Variants in FSTL4 observed in about 807,000 individuals in gnomAD.
FSTL4 encodes follistatin-related protein 4.
In FSTL4, 28 loss-of-function variants were observed where a neutral mutation model predicts 78.2. The ratio of observed to expected loss-of-function variants is 0.36; its 90% CI spans 0.27 to 0.49. The LOEUF is 0.49. Among genes scored for constraint, FSTL4 ranks in the 20% least tolerant of loss-of-function variants. The pLI, the probability that FSTL4 is intolerant of heterozygous loss-of-function variation, is 0.98. For synonymous variants in FSTL4, 422 were observed against 440.5 expected, an observed-to-expected ratio of 0.96 and a Z score of 0.53; for missense variants, 922 against 1,084.9, an observed-to-expected ratio of 0.85 and a Z score of 2.11.
chr5:133,811,497 C>G, the FSTL4 span, among the ~76,000 whole-genome samples: 2 of 152,216 alleles, frequency 1.3e-5, no homozygotes, highest in South Asian at 4.1e-4. Flanking sequence ...GAGGCATCCC[C>G]AAGAAGCATG....
the FSTL4 span, among the ~76,000 whole-genome samples, chr5:133,742,516 T>C: frequency 1.3e-5 from 2 of 152,140 alleles, no homozygotes; most frequent in African/African-American, 4.8e-5. Context: ...GATGTAACTG[T>C]CACTGGGCAT....
chr5:133,339,158 C>T (rs772365472), intron 4 of FSTL4, among the ~76,000 whole-genome samples: 1 of 152,212 alleles, frequency 6.6e-6, no homozygotes, highest in Admixed American at 6.5e-5. Context: ...GGGGCTACAA[C>T]ACCACAGCTA....
At chr5:133,689,677 CT>C in the FSTL4 span, among the ~76,000 whole-genome samples, 1 of 152,280 alleles carries the variant, frequency 6.6e-6, no homozygotes, top group East Asian at 1.9e-4. Context: ...CCCTGCCCTA[CT>C]TTTTCAAGCT....
At chr5:133,298,809 A>G (rs1753466377) in intron 6 of FSTL4, among the ~76,000 whole-genome samples, 1 of 152,224 alleles carries the variant, frequency 6.6e-6, no homozygotes. Context: ...GGAAGTGCCC[A>G]TGGCATCAGA....
the FSTL4 span, among the ~76,000 whole-genome samples, chr5:133,654,265 T>C: frequency 6.6e-6 from 1 of 152,224 alleles, no homozygotes; most frequent in South Asian, 2.1e-4. Context: ...CATGGGGTCC[T>C]TTACATGAAT....
intron 6 of FSTL4, among the ~76,000 whole-genome samples, chr5:133,258,447 C>T (rs771670579): frequency 1.3e-5 from 2 of 152,210 alleles, no homozygotes; most frequent in African/African-American, 2.4e-5. Flanking sequence ...GAGGGAAACC[C>T]TCCTGTCTCA....
At chr5:133,525,087 G>A (rs573003070) in intron 3 of FSTL4, among the ~76,000 whole-genome samples, 1 of 152,310 alleles carries the variant, frequency 6.6e-6, no homozygotes, top group South Asian at 2.1e-4. Context: ...CCTTTCCGCT[G>A]TTCTGGCAAA....
the FSTL4 span, among the ~76,000 whole-genome samples, chr5:133,688,054 A>T: frequency 6.6e-6 from 1 of 152,378 alleles, no homozygotes; most frequent in Non-Finnish European, 1.5e-5. Flanking sequence ...GCTTGGCCGG[A>T]ACTCAGTTAA....
chr5:133,694,812 G>GT, the FSTL4 span, among the ~76,000 whole-genome samples: 1 of 152,156 alleles, frequency 6.6e-6, no homozygotes, highest in Non-Finnish European at 1.5e-5. Context: ...GTTTGCAGAT[G>GT]GCCATCTTCT....
At chr5:133,617,833 G>C in the FSTL4 span, among the ~76,000 whole-genome samples, 2 of 152,170 alleles carry the variant, frequency 1.3e-5, no homozygotes, top group Admixed American at 6.5e-5. Context: ...GCAGAGATAC[G>C]ATTAGATGAG....
chr5:133,770,157 C>T, the FSTL4 span, among the ~76,000 whole-genome samples: 1 of 151,940 alleles, frequency 6.6e-6, no homozygotes, highest in Non-Finnish European at 1.5e-5. Context: ...TAAGTTGATT[C>T]CATATCTTTC....
chr5:133,271,302 C>T (rs1378415364), intron 6 of FSTL4, among the ~76,000 whole-genome samples: 1 of 152,156 alleles, frequency 6.6e-6, no homozygotes, highest in African/African-American at 2.4e-5. Context: ...AATGGAATTC[C>T]ACTGTGTTAT....
intron 3 of FSTL4, among the ~76,000 whole-genome samples, chr5:133,419,692 C>T (rs1304326337): frequency 6.6e-6 from 1 of 152,166 alleles, no homozygotes; most frequent in Non-Finnish European, 1.5e-5. Context: ...AGTGGTTGTA[C>T]CATTTTACAT....
chr5:133,701,509 A>ACACACACACC, the FSTL4 span, among the ~76,000 whole-genome samples: 4,593 of 132,478 alleles, frequency 0.035, 121 homozygotes, highest in Non-Finnish European at 0.046. Context: ...ACACACACAC[A>ACACACACACC]CCCCACAGGC....
At chr5:133,250,374 G>A (rs1179589316) in intron 6 of FSTL4, among the ~76,000 whole-genome samples, 14 of 152,140 alleles carry the variant, frequency 9.2e-5, no homozygotes, top group Admixed American at 3.9e-4. Context: ...GACAGTCAGC[G>A]GCCCACTGAT....
intron 12 of FSTL4, among the ~76,000 whole-genome samples, chr5:133,218,113 A>AT (rs1352879570): frequency 6.6e-6 from 1 of 152,110 alleles, no homozygotes; most frequent in Non-Finnish European, 1.5e-5. Flanking sequence ...TCAACTCTTG[A>AT]TTTTACTTCT....
At chr5:133,395,336 C>T (rs1359244359) in intron 4 of FSTL4, among the ~76,000 whole-genome samples, 3 of 152,156 alleles carry the variant, frequency 2.0e-5, no homozygotes, top group South Asian at 2.1e-4. Context: ...CCAGACGCGC[C>T]GCCTTAAGAG....
In FSTL4 at chr5:133,440,188, T is replaced by C. The variant is rs1459727437; in HGVS notation, c.161-39202A>G. Among the ~76,000 whole-genome samples, 1 of 152,110 alleles carries C rather than the reference T, an allele frequency of 6.6e-6. No individual in the cohort carries two copies. The highest frequency in any genetic ancestry group is 2.4e-5 in the African/African-American group (1 of 41,436). On this transcript the variant is annotated intron_variant, in intron 3 of 15. Coordinates refer to ENST00000265342, the MANE Select transcript of FSTL4 (RefSeq NM_015082.2). This position sits in a 1 kb window ranked among gnomAD's most constrained non-coding sequence, Gnocchi z 4.1. ...CCCGGGGCTACACCCATTCACTGAA[T>C]AATTTCTGGGCGCTGTGGAGGGAGA...
At chr5:133,407,159 A>G (rs942213286) in intron 3 of FSTL4, among the ~76,000 whole-genome samples, 8 of 152,214 alleles carry the variant, frequency 5.3e-5, no homozygotes, top group African/African-American at 1.9e-4. Context: ...AACTTCTCTA[A>G]AGGCTGGAGG....
Sources: allele counts gnomAD v4.1 joint callset (sites outside exome capture counted in the v4.1 genomes callset), GRCh38; gene constraint gnomAD v4.1.1; non-coding constraint Gnocchi (gnomAD v3.1); transcripts MANE v1.5; gene names NCBI Gene and HGNC (gene_info 2026-07-23, HGNC 2026-07-21).